EPHA8: variants seen among roughly 807,000 people sequenced by gnomAD.
EPHA8 encodes EPH receptor A8.
In EPHA8, 58 loss-of-function variants were observed where a neutral mutation model predicts 103.6. That is an observed-to-expected ratio of 0.56 (90% CI 0.45 to 0.70). The LOEUF (loss-of-function observed/expected upper bound fraction) is 0.70, where lower values mean the gene tolerates loss of function less well. Among genes scored for constraint, EPHA8 ranks in the 30% least tolerant of loss-of-function variants. The probability of loss-of-function intolerance (pLI) is 0.00; values close to 1 mark genes in which losing one functional copy is unlikely to be tolerated. For missense variants in EPHA8, 1,304 were observed against 1,395.2 expected (o/e 0.93, Z 1.04); for synonymous variants, 559 against 572.5 (o/e 0.98, Z 0.34).
chr1:22,585,056 C>CTGTGT (rs1557568113), intron 3 of EPHA8, among the ~76,000 whole-genome samples: 8 of 86,636 alleles, frequency 9.2e-5, no homozygotes, highest in African/African-American at 5.9e-4. Flanking sequence ...TGTGTGCGCA[C>CTGTGT]GCGTGTGTCT....
In EPHA8 at chr1:22,598,705, A is replaced by G. The variant is rs1641590098; in HGVS notation, c.2179-133A>G. 2 of 832,654 alleles carry G rather than the reference A, an allele frequency of 2.4e-6. No homozygotes were observed. The highest frequency in any genetic ancestry group is 3.8e-6 in the Non-Finnish European group (2 of 528,590). The allele number at this position is 832,654 out of a possible 1,614,324, so 51.6% of individuals were successfully genotyped here. On this transcript the variant is annotated intron_variant, in intron 12 of 16. Coordinates refer to ENST00000166244, the MANE Select transcript of EPHA8 (RefSeq NM_020526.5). The surrounding 1 kb of genome is among the most constrained non-coding windows in gnomAD (Gnocchi z 5.1). ...AACCCTTAACTGCAAAGTGCTTCAG[A>G]AGTAGTGGCGCACTTGGCAAATTGC...
At chr1:22,568,509 T>C (rs1640432595) in intron 1 of EPHA8, among the ~76,000 whole-genome samples, 1 of 152,230 alleles carries the variant, frequency 6.6e-6, no homozygotes, top group Admixed American at 6.5e-5. Context: ...TCTTGGCACA[T>C]TCCCGGACCT....
chr1:22,568,477 C>G (rs1640431339), intron 1 of EPHA8, among the ~76,000 whole-genome samples: 1 of 152,240 alleles, frequency 6.6e-6, no homozygotes, highest in South Asian at 2.1e-4. Context: ...AATGGCAGCT[C>G]CGCCAGCTAC....
chr1:22,581,532 C>T (rs1232766144), intron 3 of EPHA8, among the ~76,000 whole-genome samples: 1 of 152,108 alleles, frequency 6.6e-6, no homozygotes, highest in Non-Finnish European at 1.5e-5. Flanking sequence ...GAAGCGGAGC[C>T]CAGAGAGGGG....
At position 22,572,449 on chromosome 1, in the gene EPHA8, G is replaced by A. The variant is rs1640569455; in HGVS notation, c.159+3096G>A. Among the ~76,000 whole-genome samples, 3 of 152,226 alleles carry A rather than the reference G, an allele frequency of 2.0e-5. No homozygotes were observed. In the South Asian group the frequency reaches 6.2e-4, roughly 32 times the overall value. On this transcript the variant is annotated intron_variant, in intron 2 of 16. Transcript: ENST00000166244. ...CAAAGCAATTCTACGAAGACTGGGG[G>A]AGGTCTGGCCCAGACCCCCTGCTCT...
chr1:22,581,311 C>G (rs1641040110), intron 3 of EPHA8, among the ~76,000 whole-genome samples: 1 of 152,240 alleles, frequency 6.6e-6, no homozygotes, highest in African/African-American at 2.4e-5. Context: ...TCATAACAAT[C>G]TGGCTGGTTG....
chr1:22,586,371 C>T lies in EPHA8; in HGVS notation c.824-109C>T, dbSNP rs569201012. The T allele has an allele frequency of 1.8e-5, 24 of 1,340,874 alleles. No individual in the cohort carries two copies. In the East Asian group the frequency reaches 5.1e-4, roughly 28 times the overall value. The allele number at this position is 1,340,874 out of a possible 1,614,324, so 83.1% of individuals were successfully genotyped here. A position where few individuals can be genotyped will look rare whatever the true frequency, so the allele number is the denominator to read the frequency against. On this transcript the variant is annotated intron_variant, in intron 3 of 16. Transcript: ENST00000166244. ...TGGGCAGTGTGAAGGTCTGCACCTCCATCCCTCTGGGGCACCCCCCAGGAA... is the reference window on the plus strand; with the variant it reads ...TGGGCAGTGTGAAGGTCTGCACCTCTATCCCTCTGGGGCACCCCCCAGGAA...
At chr1:22,599,174 G>A (rs1641608822) in intron 13 of EPHA8, 127 bp downstream of exon 13, 40 of 956,692 alleles carry the variant, frequency 4.2e-5, no homozygotes, top group Non-Finnish European at 3.1e-6. Context: ...CTCAACCTGG[G>A]GCACATCCTG....
intron 9 of EPHA8, among the ~76,000 whole-genome samples, chr1:22,596,905 G>A (rs931991717): frequency 3.9e-5 from 6 of 152,076 alleles, no homozygotes; most frequent in Non-Finnish European, 7.4e-5. Context: ...TGATCCGCCC[G>A]CCTCGGCCTC....
In EPHA8 at chr1:22,598,318, C is replaced by A; in HGVS notation, c.2178+106C>A. 8.7e-7 allele frequency: 1 copy of A among 1,152,344 alleles called. No individual in the cohort carries two copies. Among genetic ancestry groups the A allele is most frequent in the Non-Finnish European group, 1.2e-6 (1 of 802,928 alleles). 71.4% of individuals were successfully genotyped at this position (1,152,344 alleles called of 1,614,324 possible). ...CTAAGCCCCCTCCCTGGCTTGGACA[C>A]CACAGGCCGGGGGACAGGAGGCAGG... is the stretch of plus-strand genomic sequence containing the variant. On this transcript the variant is annotated intron_variant, in intron 12 of 16. Coordinates refer to ENST00000166244, the MANE Select transcript of EPHA8 (RefSeq NM_020526.5). This position sits in a 1 kb window ranked among gnomAD's most constrained non-coding sequence, Gnocchi z 5.1.
chr1:22,569,608 A>G lies in EPHA8; in HGVS notation c.159+255A>G, dbSNP rs2273098. On this transcript the variant is annotated intron_variant, in intron 2 of 16. Coordinates refer to ENST00000166244, the MANE Select transcript of EPHA8 (RefSeq NM_020526.5). The surrounding 1 kb of genome is among the most constrained non-coding windows in gnomAD (Gnocchi z 4.5). ...TGAGGCCCTAGGTCCGGGGATCCCC[A>G]TGGCTGCATCCTACAGATTCATGAG... 1.0e-3 allele frequency among the ~76,000 whole-genome samples: 154 copies of G among 152,274 alleles called. 2 individuals carry two copies. In the East Asian group the frequency reaches 0.026, roughly 26 times the overall value.
chr1:22,573,093 G>T (rs1640587647), intron 2 of EPHA8, among the ~76,000 whole-genome samples: 1 of 152,224 alleles, frequency 6.6e-6, no homozygotes, highest in Non-Finnish European at 1.5e-5. Flanking sequence ...ACGCTGTGCT[G>T]CTTGGAGCCT....
At position 22,596,030 on chromosome 1, in the gene EPHA8, A is replaced by T; in HGVS notation, c.1698-76A>T. ...AAGGGGCATGAAGAGAGAAGCCATG[A>T]CTCGTTCCCTGGTTGGGGTCAGGTC... is the stretch of plus-strand genomic sequence containing the variant. On this transcript the variant is annotated intron_variant, in intron 8 of 16. Transcript: ENST00000166244. The T allele has an allele frequency of 1.4e-5, 19 of 1,371,754 alleles. 1 individual carries two copies. The South Asian group carries it at 2.2e-4, about 16-fold the overall frequency. The allele number at this position is 1,371,754 out of a possible 1,614,324, so 85.0% of individuals were successfully genotyped here.
Position 22,600,801 on chromosome 1 carries a change from C to T in EPHA8, c.2529C>T (p.Thr843=). 1 of 1,607,194 alleles carries T rather than the reference C, an allele frequency of 6.2e-7. No individual in the cohort carries two copies. The highest frequency in any genetic ancestry group is 8.5e-7 in the Non-Finnish European group (1 of 1,176,032). The change falls in exon 14 of 17, where the codon ACC becomes ACT. Residue 843 remains threonine (T), a synonymous_variant. Transcript: ENST00000166244. ...GGGAGCGGCCCTACTGGAACATGAC[C>T]AACCGGGATGTGAGTGCCAAGCCCT... is the stretch of plus-strand genomic sequence containing the variant. ...AYGERPYWNM[T]NRDVISSVEE... is the part of the protein sequence containing the mutation.
At position 22,600,678 on chromosome 1, in the gene EPHA8, C is replaced by A. The variant is rs1260626399; in HGVS notation, c.2406C>A (p.Ile802=). Residue 802 remains isoleucine (I), a synonymous_variant, in exon 14 of 17, where the codon ATC becomes ATA. Coordinates refer to ENST00000166244, the MANE Select transcript of EPHA8 (RefSeq NM_020526.5). ...CGTCGCAGGGCGGGAAGATCCCCAT[C>A]CGCTGGACGGCCCCAGAGGCCATCG... The part of the protein sequence containing the change: ...AYTTTGGKIP[I]RWTAPEAIAF... 6.2e-7 allele frequency: 1 copy of A among 1,613,492 alleles called. No individual in the cohort carries two copies. Among genetic ancestry groups the A allele is most frequent in the Non-Finnish European group, 8.5e-7 (1 of 1,179,842 alleles).
chr1:22,599,827 G>GA (rs144276982), intron 13 of EPHA8, among the ~76,000 whole-genome samples: 41,714 of 41,858 alleles, frequency 1, 20,785 homozygotes, highest in Middle Eastern at 1. Flanking sequence ...GAAAGGAAGG[G>GA]AGGGGAGGGA....
At chr1:22,565,146 C>T (rs1018208670) in intron 1 of EPHA8, among the ~76,000 whole-genome samples, 2 of 152,156 alleles carry the variant, frequency 1.3e-5, no homozygotes, top group African/African-American at 4.8e-5. Context: ...CATGAAAATA[C>T]GCAACTCTGT....
Position 22,598,882 on chromosome 1 carries a change from GA to G in EPHA8, c.2224del (p.Arg742GlufsTer101). On this transcript the variant is annotated frameshift_variant, in exon 13 of 17. Transcript: ENST00000166244. LOFTEE classifies it high-confidence loss of function. The surrounding 1 kb of genome is among the most constrained non-coding windows in gnomAD (Gnocchi z 5.1). ...FTIMQLVGML[R>X]GVGAGMRYLS... is the part of the protein sequence containing the mutation. ...CCATCATGCAGCTGGTGGGCATGCT[GA>G]GAGGAGTGGGTGCCGGCATGCGCTA... 1 of 1,613,142 alleles carries G rather than the reference GA, an allele frequency of 6.2e-7. No individual in the cohort carries two copies. The highest frequency in any genetic ancestry group is 8.5e-7 in the Non-Finnish European group (1 of 1,179,978).
rs951757915 is a variant in EPHA8 at position 22,589,733 on chromosome 1, G to C, written c.1315+527G>C. 2 of 990,578 alleles carry C rather than the reference G, an allele frequency of 2.0e-6. No individual in the cohort carries two copies. Among genetic ancestry groups the C allele is most frequent in the Non-Finnish European group, 2.4e-6 (2 of 827,604 alleles). The allele number at this position is 990,578 out of a possible 1,614,324, so 61.4% of individuals were successfully genotyped here. A position where few individuals can be genotyped will look rare whatever the true frequency, so the allele number is the denominator to read the frequency against. ...TCTATCAGTTTCTGGCCAGTTGGTG[G>C]GCTGAATTCACCCCCGGAACCTCTT... On this transcript the variant is annotated intron_variant, in intron 5 of 16. Coordinates refer to ENST00000166244, the MANE Select transcript of EPHA8 (RefSeq NM_020526.5). This position sits in a 1 kb window ranked among gnomAD's most constrained non-coding sequence, Gnocchi z 4.3.
Sources: allele counts gnomAD v4.1 joint callset (sites outside exome capture counted in the v4.1 genomes callset), GRCh38; gene constraint gnomAD v4.1.1; non-coding constraint Gnocchi (gnomAD v3.1); transcripts MANE v1.5; gene names NCBI Gene and HGNC (gene_info 2026-07-23, HGNC 2026-07-21).